The following ZWILCH variants were observed in gnomAD, a reference collection of about 807,000 sequenced individuals.
ZWILCH encodes the protein protein zwilch homolog.
Under a neutral mutation model 79.9 loss-of-function variants are expected in ZWILCH, and 74 were observed. The observed-to-expected ratio is 0.93, with a 90% CI of 0.77 to 1.12. The LOEUF (loss-of-function observed/expected upper bound fraction) is 1.12. Among genes scored for constraint, ZWILCH ranks in the 50% most tolerant of loss-of-function variants. ZWILCH has a pLI of 0.00. For missense variants in ZWILCH, 694 were observed against 687.5 expected (o/e 1.01, Z -0.11); for synonymous variants, 241 against 228.2 (o/e 1.06, Z -0.51).
In ZWILCH at chr15:66,549,496, T is replaced by C. The variant is rs926438867; in HGVS notation, c.*1172T>C. ...ATTCAAAGAAACAAATAATATGTGT[T>C]GGCATTTCTTGATGCATAGTTGCAT... On this transcript the variant is annotated 3_prime_UTR_variant, in exon 19 of 19. Transcript: ENST00000307897. The C allele has an allele frequency of 6.6e-6, 1 of 152,236 alleles. No individual in the cohort carries two copies. The highest frequency in any genetic ancestry group is 1.5e-5 in the Non-Finnish European group (1 of 68,042). 9.4% of individuals were successfully genotyped at this position (152,236 alleles called of 1,614,324 possible).
intron 17 of ZWILCH, among the ~76,000 whole-genome samples, chr15:66,546,203 A>C (rs1895364944): frequency 6.6e-6 from 1 of 152,218 alleles, no homozygotes; most frequent in Admixed American, 6.5e-5. Context: ...TTGGGAGAAA[A>C]ATGGATATGT....
intron 17 of ZWILCH, among the ~76,000 whole-genome samples, chr15:66,545,800 A>G (rs1340696287): frequency 2.0e-5 from 3 of 152,228 alleles, no homozygotes; most frequent in Admixed American, 2.0e-4. Flanking sequence ...TTAATTGTAA[A>G]TATGGCCTAA....
At chr15:66,537,701 T>TA (rs1404308648) in intron 16 of ZWILCH, among the ~76,000 whole-genome samples, 3 of 151,876 alleles carry the variant, frequency 2.0e-5, no homozygotes, top group Non-Finnish European at 4.4e-5. Context: ...CAAAAAATAA[T>TA]AATAATAATG....
Position 66,518,926 on chromosome 15 carries a change from A to T in ZWILCH, c.368A>T (p.His123Leu). Residue 123 changes from histidine (H) to leucine (L), a missense_variant, in exon 5 of 19, where the codon CAT becomes CTT. Coordinates refer to ENST00000307897, the MANE Select transcript of ZWILCH (RefSeq NM_017975.5). ...ATGGCTCACAATCCTAATATGACCC[A>T]TTTGAAGATTAATCTGCCAGTTACT... Reference protein sequence around the residue: ...YTMAHNPNMTHLKINLPVTAL... With the variant: ...YTMAHNPNMTLLKINLPVTAL... 6.2e-6 allele frequency: 10 copies of T among 1,614,232 alleles called. No individual in the cohort carries two copies. Among genetic ancestry groups the T allele is most frequent in the Non-Finnish European group, 8.5e-6 (10 of 1,180,042 alleles).
intron 8 of ZWILCH, among the ~76,000 whole-genome samples, chr15:66,526,448 G>C (rs549254535): frequency 1.3e-5 from 2 of 151,486 alleles, no homozygotes; most frequent in Non-Finnish European, 2.9e-5. Flanking sequence ...TGGCTTTTGC[G>C]GCCTAACTTG....
At chr15:66,536,120 T>C in intron 15 of ZWILCH, 51 bp downstream of exon 15, 1 of 1,488,718 alleles carries the variant, frequency 6.7e-7, no homozygotes, top group South Asian at 1.3e-5. Context: ...TCTTTTGAAA[T>C]AGTTACAGCC....
chr15:66,517,958 C>G (rs1894349497), intron 4 of ZWILCH, among the ~76,000 whole-genome samples: 2 of 151,764 alleles, frequency 1.3e-5, no homozygotes, highest in Admixed American at 1.3e-4. Context: ...GTCTCGAACT[C>G]CTGACCTCGT....
At chr15:66,517,455 T>TATATATATATAGAG (rs1180456312) in intron 4 of ZWILCH, among the ~76,000 whole-genome samples, 18 of 115,210 alleles carry the variant, frequency 1.6e-4, no homozygotes, top group South Asian at 8.8e-4. Flanking sequence ...TATATATATA[T>TATATATATATAGAG]AGTAATGTAC....
At chr15:66,544,707 T>G (rs1199335373) in intron 17 of ZWILCH, among the ~76,000 whole-genome samples, 1 of 122,606 alleles carries the variant, frequency 8.2e-6, no homozygotes, top group Non-Finnish European at 1.8e-5. Flanking sequence ...CTTGTTTTTT[T>G]GTTGTTTTTT....
chr15:66,506,443 C>G (rs898284208), intron 1 of ZWILCH, among the ~76,000 whole-genome samples: 5 of 152,050 alleles, frequency 3.3e-5, no homozygotes, highest in Admixed American at 6.6e-5. Context: ...CCGAGGCGGG[C>G]GGATCACTTG....
intron 3 of ZWILCH, 99 bp from the exon 4 acceptor site, chr15:66,515,427 A>C (rs1894214796): frequency 1.3e-6 from 1 of 771,484 alleles, no homozygotes; most frequent in Non-Finnish European, 2.1e-6. Context: ...AAATAAGTAC[A>C]TTATGTTCTA....
chr15:66,516,168 C>T (rs1364818400), intron 4 of ZWILCH, among the ~76,000 whole-genome samples: 3 of 152,214 alleles, frequency 2.0e-5, no homozygotes, highest in Non-Finnish European at 2.9e-5. Flanking sequence ...AGTGCACCTG[C>T]GCCGTGGATG....
chr15:66,510,154 G>A lies in ZWILCH; in HGVS notation c.105+1262G>A, dbSNP rs192056632. Among the ~76,000 whole-genome samples the A allele has an allele frequency of 3.0e-3, 438 of 148,286 alleles. 3 individuals carry two copies. The highest frequency in any genetic ancestry group is 4.1e-3 in the Non-Finnish European group (277 of 67,112). ...AATTAAGCCATTGTACTCCAGCCTGGGCGACAGAGTGAAACTCCGTCTCTA... is the reference window on the plus strand; with the variant it reads ...AATTAAGCCATTGTACTCCAGCCTGAGCGACAGAGTGAAACTCCGTCTCTA... On this transcript the variant is annotated intron_variant, in intron 2 of 18. Coordinates refer to ENST00000307897, the MANE Select transcript of ZWILCH (RefSeq NM_017975.5).
intron 1 of ZWILCH, among the ~76,000 whole-genome samples, chr15:66,506,397 G>A (rs1457343136): frequency 2.6e-5 from 4 of 152,144 alleles, no homozygotes; most frequent in Non-Finnish European, 4.4e-5. Context: ...GGCCGGGCGC[G>A]ATGGTTCACG....
chr15:66,542,979 A>T (rs890321146), intron 17 of ZWILCH, among the ~76,000 whole-genome samples: 2 of 152,202 alleles, frequency 1.3e-5, no homozygotes, highest in African/African-American at 4.8e-5. Flanking sequence ...AATCATTCTC[A>T]CACATTTCTG....
At chr15:66,516,600 G>C (rs897573148) in intron 4 of ZWILCH, among the ~76,000 whole-genome samples, 1 of 151,784 alleles carries the variant, frequency 6.6e-6, no homozygotes, top group South Asian at 2.1e-4. Context: ...CTGCCTCCTG[G>C]GTTCAAGTGA....
chr15:66,517,058 T>G (rs1183980955), intron 4 of ZWILCH, among the ~76,000 whole-genome samples: 1 of 152,162 alleles, frequency 6.6e-6, no homozygotes, highest in Non-Finnish European at 1.5e-5. Context: ...CTGTTGGTAA[T>G]CAATTTAGTT....
At position 66,507,280 on chromosome 15, in the gene ZWILCH, A is replaced by G. The variant is rs1893863364; in HGVS notation, c.54-1561A>G. 2.0e-5 allele frequency among the ~76,000 whole-genome samples: 3 copies of G among 152,180 alleles called. No individual in the cohort carries two copies. In the South Asian group the frequency reaches 6.2e-4, roughly 31 times the overall value. ...AAAGCTGAATTAATCTTTTCCTCCA[A>G]CTGGACATTCTACTTCTGAATTCTG... On this transcript the variant is annotated intron_variant, in intron 1 of 18. Coordinates refer to ENST00000307897, the MANE Select transcript of ZWILCH (RefSeq NM_017975.5).
In ZWILCH at chr15:66,534,910, T is replaced by C. The variant is rs140477956; in HGVS notation, c.1342-1023T>C. ...CATAACTTACTATAACTTTTTTACA[T>C]TATAAACTTTTAAATTTTTCTAAAC... is the stretch of plus-strand genomic sequence containing the variant. On this transcript the variant is annotated intron_variant, in intron 14 of 18. Transcript: ENST00000307897. 5.3e-5 allele frequency among the ~76,000 whole-genome samples: 8 copies of C among 152,358 alleles called. No homozygotes were observed. The East Asian group carries it at 1.3e-3, about 26-fold the overall frequency.
Sources: gnomAD v4.1 joint callset for allele counts (sites outside exome capture counted in the v4.1 genomes callset) on GRCh38, gnomAD v4.1.1 for gene constraint, MANE v1.5 for transcripts, NCBI Gene and HGNC (gene_info 2026-07-23, HGNC 2026-07-21) for gene names.